The following STARD5 variants were observed in gnomAD, a reference collection of about 807,000 sequenced individuals.
STARD5 encodes the protein StAR related lipid transfer domain containing 5.
Under a neutral mutation model 24.6 loss-of-function variants are expected in STARD5, and 26 were observed. The ratio of observed to expected loss-of-function variants is 1.06; its 90% CI spans 0.77 to 1.47. The LOEUF is 1.47. Among genes scored for constraint, STARD5 ranks in the 40% most tolerant of loss-of-function variants. STARD5 has a pLI of 0.00. For synonymous variants in STARD5, 101 were observed against 99.7 expected (o/e 1.01, Z -0.07); for missense variants, 254 against 270.8 (o/e 0.94, Z 0.44).
chr15:81,322,879 T>A lies in STARD5; in HGVS notation c.149+20A>T. 1.9e-6 allele frequency: 3 copies of A among 1,614,218 alleles called. No homozygotes were observed. Among genetic ancestry groups the A allele is most frequent in the Non-Finnish European group, 2.5e-6 (3 of 1,180,032 alleles). On this transcript the variant is annotated intron_variant, in intron 2 of 5. Transcript: ENST00000302824. ...AGGGTGCGGCACCTCTGGTAATCTT[T>A]GAACGAGGCATGCACTTACAGGTTC... is the stretch of plus-strand genomic sequence containing the variant.
At chr15:81,315,551 C>T (rs189856586) in intron 5 of STARD5, among the ~76,000 whole-genome samples, 1 of 152,290 alleles carries the variant, frequency 6.6e-6, no homozygotes, top group African/African-American at 2.4e-5. Context: ...TAGCATCCTT[C>T]CTGTGCACAG....
In STARD5 at chr15:81,319,333, A is replaced by C. The variant is rs749164243; in HGVS notation, c.400+6T>G. The stretch of plus-strand genomic sequence containing the variant: ...AGGCATGGCAGCTCCTCCGGGCATC[A>C]CTCACCGTTGGAACTGATGGTCCCA... On this transcript the variant is annotated splice_donor_region_variant and intron_variant, in intron 4 of 5. Coordinates refer to ENST00000302824, the MANE Select transcript of STARD5 (RefSeq NM_181900.3). 1.9e-6 allele frequency: 3 copies of C among 1,609,946 alleles called. No individual in the cohort carries two copies. Among genetic ancestry groups the C allele is most frequent in the Non-Finnish European group, 2.6e-6 (3 of 1,176,172 alleles).
At chr15:81,318,822 C>T (rs573611349) in intron 4 of STARD5, among the ~76,000 whole-genome samples, 2 of 152,188 alleles carry the variant, frequency 1.3e-5, no homozygotes, top group Non-Finnish European at 2.9e-5. Flanking sequence ...GAGAAAAGAA[C>T]ATTCTAGAAC....
At chr15:81,313,436 C>T (rs772382059) in intron 5 of STARD5, 33 bp from the exon 6 acceptor site, 1 of 1,476,784 alleles carries the variant, frequency 6.8e-7, no homozygotes, top group Non-Finnish European at 9.0e-7. Flanking sequence ...GTGTTATGAT[C>T]TGCAGCAGAG....
intron 5 of STARD5, among the ~76,000 whole-genome samples, chr15:81,317,835 T>G (rs1267875924): frequency 6.6e-6 from 1 of 152,196 alleles, no homozygotes; most frequent in East Asian, 1.9e-4. Context: ...AGCCTGGCCA[T>G]GACCTGTGGC....
intron 5 of STARD5, among the ~76,000 whole-genome samples, chr15:81,317,809 G>A (rs1164437024): frequency 6.6e-6 from 1 of 152,192 alleles, no homozygotes; most frequent in Non-Finnish European, 1.5e-5. Flanking sequence ...TCATTACACA[G>A]AAATTTCCTG....
At position 81,318,319 on chromosome 15, in the gene STARD5, G is replaced by A. The variant is rs1250533801; in HGVS notation, c.494+90C>T. 30 of 1,058,650 alleles carry A rather than the reference G, an allele frequency of 2.8e-5. 1 individual carries two copies. Among genetic ancestry groups the A allele is most frequent in the Admixed American group, 1.4e-4 (8 of 56,568 alleles). The allele number at this position is 1,058,650 out of a possible 1,614,324, so 65.6% of individuals were successfully genotyped here. On this transcript the variant is annotated intron_variant, in intron 5 of 5. Coordinates refer to ENST00000302824, the MANE Select transcript of STARD5 (RefSeq NM_181900.3). ...TAAGGCATTTTTCTTCTTTTGAATC[G>A]TAGTCAAAGTGCCCCTTTTCACAGA...
At chr15:81,315,317 G>T (rs182048791) in intron 5 of STARD5, among the ~76,000 whole-genome samples, 1 of 152,240 alleles carries the variant, frequency 6.6e-6, no homozygotes, top group African/African-American at 2.4e-5. Context: ...TTTGTGGTGG[G>T]CGGAACGTGT....
At chr15:81,315,587 T>C (rs999925855) in intron 5 of STARD5, among the ~76,000 whole-genome samples, 3 of 152,156 alleles carry the variant, frequency 2.0e-5, no homozygotes, top group Non-Finnish European at 4.4e-5. Context: ...AATGACACTG[T>C]AATGCTGCCT....
At chr15:81,319,518 C>G in intron 3 of STARD5, 62 bp from the exon 4 acceptor site, 1 of 1,433,238 alleles carries the variant, frequency 7.0e-7, no homozygotes, top group Non-Finnish European at 9.8e-7. Flanking sequence ...CCAACTCCCA[C>G]CCCATCCCTC....
rs1443286681 is a variant in STARD5 at position 81,310,826 on chromosome 15, G to C, written c.*2430C>G. On this transcript the variant is annotated 3_prime_UTR_variant, in exon 6 of 6. Transcript: ENST00000302824. ...TGGCCGTGGGCCTGGGGTACCAAGAGACTCCTTGAGAGACCAGGCAAAGCA... is the reference window on the plus strand; with the variant it reads ...TGGCCGTGGGCCTGGGGTACCAAGACACTCCTTGAGAGACCAGGCAAAGCA... The C allele has an allele frequency of 1.3e-5, 2 of 152,266 alleles. No homozygotes were observed. Among genetic ancestry groups the C allele is most frequent in the African/African-American group, 4.8e-5 (2 of 41,432 alleles). 9.4% of individuals were successfully genotyped at this position (152,266 alleles called of 1,614,324 possible). A position where few individuals can be genotyped will look rare whatever the true frequency, so the allele number is the denominator to read the frequency against.
intron 5 of STARD5, among the ~76,000 whole-genome samples, chr15:81,315,145 C>T (rs1231690807): frequency 6.6e-6 from 1 of 152,054 alleles, no homozygotes; most frequent in Non-Finnish European, 1.5e-5. Context: ...AACCCCTGCC[C>T]ATCCCGCCTC....
At chr15:81,320,125 G>A (rs1446095624) in intron 3 of STARD5, among the ~76,000 whole-genome samples, 6 of 152,066 alleles carry the variant, frequency 3.9e-5, no homozygotes, top group Admixed American at 6.5e-5. Flanking sequence ...CAAGAGAGTG[G>A]GGCCCAGGCT....
chr15:81,323,657 T>C (rs1291948579), intron 1 of STARD5: 1 of 1,203,130 alleles, frequency 8.3e-7, no homozygotes, highest in Non-Finnish European at 1.2e-6. Flanking sequence ...CATTCTTTCA[T>C]TTTGTTTTGT....
Position 81,313,156 on chromosome 15 carries a change from T to C in STARD5, c.*100A>G. 3 of 1,347,836 alleles carry C rather than the reference T, an allele frequency of 2.2e-6. No individual in the cohort carries two copies. In the East Asian group the frequency reaches 8.3e-5, roughly 37 times the overall value. 83.5% of individuals were successfully genotyped at this position (1,347,836 alleles called of 1,614,324 possible). A position where few individuals can be genotyped will look rare whatever the true frequency, so the allele number is the denominator to read the frequency against. On this transcript the variant is annotated 3_prime_UTR_variant, in exon 6 of 6. Coordinates refer to ENST00000302824, the MANE Select transcript of STARD5 (RefSeq NM_181900.3). Reference sequence around the variant, plus strand: ...CAGTCCATCAGCTTGTTCCAAAGAGTGAACACAGGCCTCTGCGTGCTCCCA... The same window carrying C: ...CAGTCCATCAGCTTGTTCCAAAGAGCGAACACAGGCCTCTGCGTGCTCCCA...
intron 2 of STARD5, 28 bp downstream of exon 2, chr15:81,322,871 G>A (rs367751261): frequency 5.0e-6 from 8 of 1,614,000 alleles, no homozygotes; most frequent in Non-Finnish European, 6.8e-6. Context: ...GGCACCTCTG[G>A]TAATCTTTGA....
chr15:81,322,730 C>A (rs1004699086), intron 2 of STARD5, 169 bp downstream of exon 2: 17 of 1,298,266 alleles, frequency 1.3e-5, no homozygotes, highest in Non-Finnish European at 3.2e-6. Flanking sequence ...TAAGCTTTCA[C>A]AAGAATACAG....
Position 81,310,463 on chromosome 15 carries a change from C to T in STARD5, c.*2793G>A, listed in dbSNP as rs1446199046. On this transcript the variant is annotated 3_prime_UTR_variant, in exon 6 of 6. Transcript: ENST00000302824. ...GTTAACTTGTTTGGCCTATTCCATT[C>T]TGGATTTTGTCAAGCAGTAGACAAG... is the stretch of plus-strand genomic sequence containing the variant. 6.6e-6 allele frequency: 1 copy of T among 152,168 alleles called. No individual in the cohort carries two copies. The highest frequency in any genetic ancestry group is 1.5e-5 in the Non-Finnish European group (1 of 68,036). The allele number at this position is 152,168 out of a possible 1,614,324, so 9.4% of individuals were successfully genotyped here.
intron 2 of STARD5, 165 bp from the exon 3 acceptor site, chr15:81,322,705 T>G (rs1216681308): frequency 1.5e-6 from 2 of 1,302,518 alleles, no homozygotes; most frequent in African/African-American, 2.9e-5. Flanking sequence ...CCTTCAGGCC[T>G]GCAGAAATGG....
Sources: gnomAD v4.1 joint callset for allele counts (sites outside exome capture counted in the v4.1 genomes callset) on GRCh38, gnomAD v4.1.1 for gene constraint, MANE v1.5 for transcripts, NCBI Gene and HGNC (gene_info 2026-07-23, HGNC 2026-07-21) for gene names.